The following FHIT variants were observed in gnomAD, a reference collection of about 807,000 sequenced individuals.
FHIT encodes the protein bis(5'-adenosyl)-triphosphatase.
In FHIT, 19 loss-of-function variants were observed where a neutral mutation model predicts 17.9. That is an observed-to-expected ratio of 1.06 (90% CI 0.74 to 1.56). FHIT has a LOEUF of 1.56. Ranked by LOEUF, FHIT falls within the 40% of genes most tolerant of loss-of-function variation. The probability of loss-of-function intolerance (pLI) is 0.00; values close to 1 mark genes in which losing one functional copy is unlikely to be tolerated. For missense variants in FHIT, 248 were observed against 189.2 expected, an observed-to-expected ratio of 1.31 and a Z score of -1.82; for synonymous variants, 81 against 69.7, an observed-to-expected ratio of 1.16 and a Z score of -0.81.
intron 2 of FHIT, among the ~76,000 whole-genome samples, chr3:61,101,804 C>T (rs542477358): frequency 6.6e-6 from 1 of 152,206 alleles, no homozygotes; most frequent in Admixed American, 6.5e-5. Context: ...GTATTTTATT[C>T]TCTTCATAGC....
At chr3:61,168,361 AAC>A (rs573869559) in intron 2 of FHIT, among the ~76,000 whole-genome samples, 95 of 152,318 alleles carry the variant, frequency 6.2e-4, no homozygotes, top group African/African-American at 2.2e-3. Flanking sequence ...AAAAGTAACA[AAC>A]ACTCTCAGAA....
chr3:60,923,428 T>C (rs147212154), intron 3 of FHIT, among the ~76,000 whole-genome samples: 1 of 152,326 alleles, frequency 6.6e-6, no homozygotes, highest in East Asian at 1.9e-4. Context: ...TGAAATGAGA[T>C]AATGTACACA....
intron 4 of FHIT, among the ~76,000 whole-genome samples, chr3:60,692,412 G>T (rs551043700): frequency 1.3e-5 from 2 of 152,136 alleles, no homozygotes; most frequent in Admixed American, 1.3e-4. Flanking sequence ...CTTAAAACAG[G>T]GAGATTATCC....
At chr3:60,078,185 T>G (rs925291967) in intron 5 of FHIT, among the ~76,000 whole-genome samples, 3 of 152,110 alleles carry the variant, frequency 2.0e-5, no homozygotes, top group African/African-American at 7.2e-5. Flanking sequence ...TTTCTACAAG[T>G]ATATTCCTAT....
chr3:61,229,655 G>A (rs1295340421), intron 1 of FHIT, among the ~76,000 whole-genome samples: 1 of 152,164 alleles, frequency 6.6e-6, no homozygotes, highest in East Asian at 1.9e-4. Flanking sequence ...AGAGATTAAG[G>A]AGGTATGTCA....
intron 5 of FHIT, among the ~76,000 whole-genome samples, chr3:60,341,254 T>C (rs1710503498): frequency 6.6e-6 from 1 of 152,222 alleles, no homozygotes; most frequent in African/African-American, 2.4e-5. Context: ...ATACCTATAT[T>C]AAGCCTCATC....
chr3:59,880,674 T>A (rs1282047236), intron 8 of FHIT, among the ~76,000 whole-genome samples: 1 of 152,156 alleles, frequency 6.6e-6, no homozygotes, highest in East Asian at 1.9e-4. Flanking sequence ...AATCACTTTA[T>A]CAATGTAAAG....
chr3:60,432,718 A>G (rs1276821151), intron 5 of FHIT, among the ~76,000 whole-genome samples: 1 of 152,048 alleles, frequency 6.6e-6, no homozygotes, highest in Non-Finnish European at 1.5e-5. Context: ...ACATGGATCT[A>G]CTGGGGGAAG....
intron 7 of FHIT, among the ~76,000 whole-genome samples, chr3:59,988,698 C>A (rs1394956599): frequency 6.6e-6 from 1 of 152,012 alleles, no homozygotes; most frequent in Admixed American, 6.6e-5. Context: ...AGATAAGGAT[C>A]TCAAAATAAA....
intron 5 of FHIT, among the ~76,000 whole-genome samples, chr3:60,176,614 C>G (rs772519191): frequency 6.6e-6 from 1 of 152,032 alleles, no homozygotes; most frequent in Non-Finnish European, 1.5e-5. Context: ...AGAGATGGAA[C>G]AAAGTGGAAA....
intron 5 of FHIT, among the ~76,000 whole-genome samples, chr3:60,152,643 A>G (rs1056453725): frequency 6.6e-6 from 1 of 152,190 alleles, no homozygotes; most frequent in African/African-American, 2.4e-5. Flanking sequence ...TGTTTTGAAA[A>G]GTACACAAAG....
At chr3:60,931,932 T>C (rs1707975886) in intron 3 of FHIT, among the ~76,000 whole-genome samples, 1 of 152,194 alleles carries the variant, frequency 6.6e-6, no homozygotes, top group South Asian at 2.1e-4. Flanking sequence ...CTGTGGATTT[T>C]TACCAGAGCA....
chr3:60,970,723 T>C (rs1709969649), intron 3 of FHIT, among the ~76,000 whole-genome samples: 1 of 152,184 alleles, frequency 6.6e-6, no homozygotes, highest in African/African-American at 2.4e-5. Flanking sequence ...TTATTTTAAC[T>C]TCATTTAATC....
chr3:60,059,613 G>A (rs1434866464), intron 5 of FHIT, among the ~76,000 whole-genome samples: 1 of 152,028 alleles, frequency 6.6e-6, no homozygotes, highest in Non-Finnish European at 1.5e-5. Flanking sequence ...CTCTTTTCCT[G>A]CCTTATGCCC....
intron 5 of FHIT, among the ~76,000 whole-genome samples, chr3:60,290,218 G>A (rs1387535531): frequency 2.0e-5 from 3 of 152,080 alleles, no homozygotes; most frequent in Non-Finnish European, 4.4e-5. Context: ...AATAAGATGG[G>A]TTTTGGGAAA....
chr3:60,465,558 A>T (rs1403170134), intron 5 of FHIT, among the ~76,000 whole-genome samples: 1 of 152,028 alleles, frequency 6.6e-6, no homozygotes, highest in Non-Finnish European at 1.5e-5. Flanking sequence ...TTTTGATTTG[A>T]TTTTTGTATA....
At chr3:60,062,375 G>A (rs567118006) in intron 5 of FHIT, among the ~76,000 whole-genome samples, 4 of 152,234 alleles carry the variant, frequency 2.6e-5, no homozygotes, top group Middle Eastern at 3.4e-3. Context: ...AGTAACTGTC[G>A]TAACACTCTT....
intron 5 of FHIT, among the ~76,000 whole-genome samples, chr3:60,393,338 G>A (rs1701305743): frequency 6.6e-6 from 1 of 151,102 alleles, no homozygotes; most frequent in South Asian, 2.1e-4. Flanking sequence ...AAGTCCTCTT[G>A]TACTATCCTC....
intron 4 of FHIT, among the ~76,000 whole-genome samples, chr3:60,538,619 C>G (rs528479077): frequency 2.0e-5 from 3 of 151,954 alleles, no homozygotes; most frequent in Admixed American, 1.3e-4. Flanking sequence ...CAGAACAGAG[C>G]CCTCAGAAAT....
Sources: allele counts gnomAD v4.1 joint callset (sites outside exome capture counted in the v4.1 genomes callset), GRCh38; gene constraint gnomAD v4.1.1; transcripts MANE v1.5; gene names NCBI Gene and HGNC (gene_info 2026-07-23, HGNC 2026-07-21).